Variants in RMI2 observed in about 807,000 individuals in gnomAD.
The protein encoded by RMI2 is recQ-mediated genome instability protein 2.
RMI2 carries 11 observed loss-of-function variants against 8.4 expected under a neutral mutation model. That is an observed-to-expected ratio of 1.32 (90% CI 0.83 to 2.18). The LOEUF is 2.18. RMI2 is among the 30% of genes most tolerant of loss of function. RMI2 has a pLI of 0.00. For missense variants in RMI2, 253 were observed against 207.5 expected, an observed-to-expected ratio of 1.22 and a Z score of -1.35; for synonymous variants, 105 against 93.8, an observed-to-expected ratio of 1.12 and a Z score of -0.69.
rs895008551 is a variant in RMI2 at position 11,349,711 on chromosome 16, C to T, written c.296-931C>T. ...GGATCAGGGGTCAGCTTGCCTGGGG[C>T]TTCAGTCAAAGCCCCAGGCCCCACG... On this transcript the variant is annotated intron_variant, in intron 1 of 1. Transcript: ENST00000312499. The surrounding 1 kb of genome is among the most constrained non-coding windows in gnomAD (Gnocchi z 4.2). 2.0e-5 allele frequency among the ~76,000 whole-genome samples: 3 copies of T among 152,164 alleles called. No homozygotes were observed. Among genetic ancestry groups the T allele is most frequent in the Non-Finnish European group, 4.4e-5 (3 of 68,024 alleles).
At chr16:11,348,469 G>A (rs1159843394) in intron 1 of RMI2, 1 of 152,288 alleles carries the variant, frequency 6.6e-6, no homozygotes, top group Admixed American at 6.5e-5. Flanking sequence ...GAACCTGTCT[G>A]ACATACCCAC....
At chr16:11,345,803 C>T in intron 1 of RMI2, 37 bp downstream of exon 1, 1 of 1,224,934 alleles carries the variant, frequency 8.2e-7, no homozygotes, top group Non-Finnish European at 1.0e-6. Context: ...CTCTTCCCTG[C>T]TGCCCGCCGA....
At chr16:11,347,721 C>G (rs2070897756) in intron 1 of RMI2, among the ~76,000 whole-genome samples, 1 of 152,186 alleles carries the variant, frequency 6.6e-6, no homozygotes. Flanking sequence ...GGTCAGCAAA[C>G]TACAGGCCTC....
intron 1 of RMI2, among the ~76,000 whole-genome samples, chr16:11,346,179 A>G (rs2070865197): frequency 6.6e-6 from 1 of 151,400 alleles, no homozygotes; most frequent in African/African-American, 2.4e-5. Context: ...CCTAGCCCCT[A>G]GGAACGGGAG....
At chr16:11,346,286 G>A (rs1373210156) in intron 1 of RMI2, among the ~76,000 whole-genome samples, 1 of 142,350 alleles carries the variant, frequency 7.0e-6, no homozygotes, top group East Asian at 2.0e-4. Context: ...TTGAGACGGA[G>A]TCTCACTCTG....
At position 11,345,619 on chromosome 16, in the gene RMI2, C is replaced by T; in HGVS notation, c.148C>T (p.Arg50Cys). ...GCGGCTGTCACGGGCGGCGGCGGGC[C>T]GCGGGCCGCTGGACCTGGCGGCCGT... ...AWRLSRAAAGRGPLDLAAVWM... is the reference protein window; with the variant it reads ...AWRLSRAAAGCGPLDLAAVWM... Residue 50 changes from arginine to cysteine, a missense_variant, in exon 1 of 2, where the codon CGC (arginine) becomes TGC (cysteine). Transcript: ENST00000312499. The T allele has an allele frequency of 1.6e-6, 2 of 1,231,490 alleles. No homozygotes were observed. The highest frequency in any genetic ancestry group is 2.0e-6 in the Non-Finnish European group (2 of 988,010). The allele number at this position is 1,231,490 out of a possible 1,614,324, so 76.3% of individuals were successfully genotyped here. A position where few individuals can be genotyped will look rare whatever the true frequency, so the allele number is the denominator to read the frequency against.
At chr16:11,347,641 T>C (rs13331623) in intron 1 of RMI2, among the ~76,000 whole-genome samples, 68,535 of 151,978 alleles carry the variant, frequency 0.45, 15,889 homozygotes, top group African/African-American at 0.56. Context: ...CTGTTCCGTC[T>C]TCCCACTGCC....
rs976107906 is a variant in RMI2, at chr16:11,350,717, A to T, written c.371A>T (p.Asp124Val). ...EPCLQAVKMT[D>V]LSDNPIHESM... ...TGCCTGCAGGCTGTGAAGATGACAG[A>T]CCTTTCTGATAATCCCATCCATGAA... The change falls in exon 2 of 2, where the codon GAC becomes GTC. Residue 124 changes from aspartate to valine, a missense_variant. Transcript: ENST00000312499. 1 of 1,613,414 alleles carries T rather than the reference A, an allele frequency of 6.2e-7. No homozygotes were observed. The highest frequency in any genetic ancestry group is 8.5e-7 in the Non-Finnish European group (1 of 1,179,522).
rs566621590 is a variant in RMI2, at chr16:11,350,878, A to G, written c.*88A>G. 3.4e-3 allele frequency: 3,841 copies of G among 1,138,902 alleles called. 49 individuals are homozygous for G. The highest frequency in any genetic ancestry group is 6.8e-3 in the Middle Eastern group (25 of 3,652). 70.5% of individuals were successfully genotyped at this position (1,138,902 alleles called of 1,614,324 possible). The stretch of plus-strand genomic sequence containing the variant: ...ATGTGGATTTCATGGACACTTTTCA[A>G]TGCGTATTTTTCAAATGCTTCTCAG... On this transcript the variant is annotated 3_prime_UTR_variant, in exon 2 of 2. Coordinates refer to ENST00000312499, the MANE Select transcript of RMI2 (RefSeq NM_152308.3).
rs954531598 is a variant in RMI2 at position 11,350,867 on chromosome 16, G to T, written c.*77G>T. 10 of 1,292,846 alleles carry T rather than the reference G, an allele frequency of 7.7e-6. No individual in the cohort carries two copies. The highest frequency in any genetic ancestry group is 9.6e-6 in the Non-Finnish European group (9 of 940,560). 80.1% of individuals were successfully genotyped at this position (1,292,846 alleles called of 1,614,324 possible). A position where few individuals can be genotyped will look rare whatever the true frequency, so the allele number is the denominator to read the frequency against. ...AGCTTATAATGATGTGGATTTCATGGACACTTTTCAATGCGTATTTTTCAA... is the reference window on the plus strand; with the variant it reads ...AGCTTATAATGATGTGGATTTCATGTACACTTTTCAATGCGTATTTTTCAA... On this transcript the variant is annotated 3_prime_UTR_variant, in exon 2 of 2. Coordinates refer to ENST00000312499, the MANE Select transcript of RMI2 (RefSeq NM_152308.3).
chr16:11,350,836 T>C lies in RMI2; in HGVS notation c.*46T>C. 1 of 1,489,972 alleles carries C rather than the reference T, an allele frequency of 6.7e-7. No individual in the cohort carries two copies. Among genetic ancestry groups the C allele is most frequent in the Non-Finnish European group, 9.2e-7 (1 of 1,092,096 alleles). 92.3% of individuals were successfully genotyped at this position (1,489,972 alleles called of 1,614,324 possible). On this transcript the variant is annotated 3_prime_UTR_variant, in exon 2 of 2. Coordinates refer to ENST00000312499, the MANE Select transcript of RMI2 (RefSeq NM_152308.3). ...AAAAACAACCAAAATCCCGAAACTATTTAGAAGCTTATAATGATGTGGATT... is the reference window on the plus strand; with the variant it reads ...AAAAACAACCAAAATCCCGAAACTACTTAGAAGCTTATAATGATGTGGATT...
chr16:11,346,955 C>A (rs2070883225), intron 1 of RMI2, among the ~76,000 whole-genome samples: 1 of 152,292 alleles, frequency 6.6e-6, no homozygotes, highest in East Asian at 1.9e-4. Flanking sequence ...GCTGTGTGGT[C>A]CTGACAACTG....
intron 1 of RMI2, among the ~76,000 whole-genome samples, chr16:11,350,045 A>T (rs1432933158): frequency 6.6e-5 from 10 of 152,278 alleles, no homozygotes; most frequent in Non-Finnish European, 1.5e-4. Flanking sequence ...CTTTTCGGCA[A>T]TGTGGAGGGA....
intron 1 of RMI2, among the ~76,000 whole-genome samples, chr16:11,350,015 C>T (rs1030303669): frequency 1.3e-5 from 2 of 152,100 alleles, no homozygotes; most frequent in East Asian, 1.9e-4. Context: ...AACAATGGGG[C>T]GGGGGGCTGC....
At chr16:11,350,165 G>A (rs948019368) in intron 1 of RMI2, among the ~76,000 whole-genome samples, 4 of 152,226 alleles carry the variant, frequency 2.6e-5, no homozygotes, top group Admixed American at 2.0e-4. Flanking sequence ...CAGGATTAGA[G>A]GAAAGCTGAG....
intron 1 of RMI2, among the ~76,000 whole-genome samples, chr16:11,346,475 G>T (rs1330997582): frequency 6.6e-6 from 1 of 152,094 alleles, no homozygotes; most frequent in Non-Finnish European, 1.5e-5. Flanking sequence ...TGGCCAGGCT[G>T]GTCTCGAACT....
rs949550436 is a variant in RMI2, at chr16:11,350,978, C to T, written c.*188C>T. The stretch of plus-strand genomic sequence containing the variant: ...TCCTCGGATACTTCAGTGACACAGC[C>T]TCTGCTGCCCCTTGCTTTGCCTGTG... On this transcript the variant is annotated 3_prime_UTR_variant, in exon 2 of 2. Coordinates refer to ENST00000312499, the MANE Select transcript of RMI2 (RefSeq NM_152308.3). The T allele has an allele frequency of 2.6e-5, 12 of 456,392 alleles. No individual in the cohort carries two copies. The highest frequency in any genetic ancestry group is 2.4e-4 in the African/African-American group (12 of 49,150). The allele number at this position is 456,392 out of a possible 1,614,324, so 28.3% of individuals were successfully genotyped here. A position where few individuals can be genotyped will look rare whatever the true frequency, so the allele number is the denominator to read the frequency against.
rs201675293 is a variant in RMI2 at position 11,350,720 on chromosome 16, T to C, written c.374T>C (p.Leu125Pro). Reference protein sequence around the residue: ...PCLQAVKMTDLSDNPIHESMW... With the variant: ...PCLQAVKMTDPSDNPIHESMW... ...CTGCAGGCTGTGAAGATGACAGACC[T>C]TTCTGATAATCCCATCCATGAAAGT... The change falls in exon 2 of 2, where the codon CTT becomes CCT. Residue 125 changes from leucine to proline, a missense_variant. Coordinates refer to ENST00000312499, the MANE Select transcript of RMI2 (RefSeq NM_152308.3). The C allele has an allele frequency of 1.2e-6, 2 of 1,613,542 alleles. No homozygotes were observed. The highest frequency in any genetic ancestry group is 1.7e-6 in the Non-Finnish European group (2 of 1,179,534).
At position 11,348,302 on chromosome 16, in the gene RMI2, G is replaced by A. The variant is rs1597758501; in HGVS notation, c.296-2340G>A. The A allele has an allele frequency of 2.0e-5, 3 of 152,394 alleles. No individual in the cohort carries two copies. The Middle Eastern group carries it at 0.01, about 518-fold the overall frequency. 9.4% of individuals were successfully genotyped at this position (152,394 alleles called of 1,614,324 possible). A position where few individuals can be genotyped will look rare whatever the true frequency, so the allele number is the denominator to read the frequency against. ...TACAGAAAAAGTTTGCCAACCCTTG[G>A]CCTTAGCCTTGGCCCAGCAAGTAAC... is the stretch of plus-strand genomic sequence containing the variant. On this transcript the variant is annotated intron_variant, in intron 1 of 1. Coordinates refer to ENST00000312499, the MANE Select transcript of RMI2 (RefSeq NM_152308.3).
Sources: allele counts gnomAD v4.1 joint callset (sites outside exome capture counted in the v4.1 genomes callset), GRCh38; gene constraint gnomAD v4.1.1; non-coding constraint Gnocchi (gnomAD v3.1); transcripts MANE v1.5; gene names NCBI Gene and HGNC (gene_info 2026-07-23, HGNC 2026-07-21).